MSH3: variants seen among roughly 807,000 people sequenced by gnomAD.
The protein encoded by MSH3 is mutS homolog 3.
Under a neutral mutation model 123.3 loss-of-function variants are expected in MSH3, and 106 were observed. That is an observed-to-expected ratio of 0.86 (90% CI 0.73 to 1.01). The LOEUF (loss-of-function observed/expected upper bound fraction) is 1.01, where lower values mean the gene tolerates loss of function less well. Among genes scored for constraint, MSH3 ranks in the 50% least tolerant of loss-of-function variants. The probability of loss-of-function intolerance (pLI) is 0.00; values close to 1 mark genes in which losing one functional copy is unlikely to be tolerated. For synonymous variants in MSH3, 515 were observed against 481.4 expected (o/e 1.07, Z -0.91); for missense variants, 1,459 against 1,347.6 (o/e 1.08, Z -1.29).
At chr5:80,777,774 A>G (rs1744330699) in intron 16 of MSH3, among the ~76,000 whole-genome samples, 1 of 152,160 alleles carries the variant, frequency 6.6e-6, no homozygotes, top group Non-Finnish European at 1.5e-5. Flanking sequence ...GCAACAGTGT[A>G]TTACAAGAGT....
chr5:80,717,196 C>G (rs1750980872), intron 8 of MSH3, among the ~76,000 whole-genome samples: 1 of 152,136 alleles, frequency 6.6e-6, no homozygotes. Flanking sequence ...TTTTGACATA[C>G]TGAGTTTGTT....
intron 20 of MSH3, among the ~76,000 whole-genome samples, chr5:80,818,756 G>A (rs1745150262): frequency 6.6e-6 from 1 of 152,194 alleles, no homozygotes; most frequent in South Asian, 2.1e-4. Flanking sequence ...AGGATGGATA[G>A]GGAAATTTGG....
chr5:80,798,761 GA>G (rs1744741135), intron 19 of MSH3, among the ~76,000 whole-genome samples: 1 of 152,162 alleles, frequency 6.6e-6, no homozygotes, highest in African/African-American at 2.4e-5. Context: ...ACATTTGTCT[GA>G]TAAAGTGTTC....
chr5:80,698,884 G>A (rs534907014), intron 8 of MSH3, among the ~76,000 whole-genome samples: 12 of 152,164 alleles, frequency 7.9e-5, no homozygotes, highest in Admixed American at 3.3e-4. Context: ...ATACCAACAT[G>A]GCACATGTAT....
chr5:80,775,247 ACTAT>A (rs1744278361), intron 15 of MSH3, among the ~76,000 whole-genome samples: 1 of 152,202 alleles, frequency 6.6e-6, no homozygotes, highest in Non-Finnish European at 1.5e-5. Flanking sequence ...TTGGATAAAA[ACTAT>A]CTAAAAATCC....
At chr5:80,730,894 A>ATTTTTTTTTTTTTTTTTTTTT (rs59224150) in intron 10 of MSH3, among the ~76,000 whole-genome samples, 2 of 127,780 alleles carry the variant, frequency 1.6e-5, no homozygotes, top group African/African-American at 6.1e-5. Context: ...ATATATATAT[A>ATTTTTTTTTTTTTTTTTTTTT]TTTTTTTTTT....
chr5:80,775,807 G>C, intron 16 of MSH3, 49 bp downstream of exon 16: 1 of 951,348 alleles, frequency 1.1e-6, no homozygotes. Context: ...GATGACATCT[G>C]TATATCTATG....
At chr5:80,830,428 T>C (rs1472858329) in intron 20 of MSH3, among the ~76,000 whole-genome samples, 1 of 152,218 alleles carries the variant, frequency 6.6e-6, no homozygotes, top group African/African-American at 2.4e-5. Flanking sequence ...AGATTTTGTT[T>C]TGCATGAGGT....
chr5:80,665,626 G>A lies in MSH3; in HGVS notation c.579+263G>A, dbSNP rs55750137. On this transcript the variant is annotated intron_variant, in intron 3 of 23. Transcript: ENST00000265081. ...TTCTGAGGTATTGCCTGGATCAGGAGCCCTTGACTTGGAGGGATTCTTTAT... is the reference window on the plus strand; with the variant it reads ...TTCTGAGGTATTGCCTGGATCAGGAACCCTTGACTTGGAGGGATTCTTTAT... Among the ~76,000 whole-genome samples, 8 of 152,304 alleles carry A rather than the reference G, an allele frequency of 5.3e-5. No homozygotes were observed. In the East Asian group the frequency reaches 9.6e-4, roughly 18 times the overall value.
At chr5:80,783,794 A>G (rs960591607) in intron 17 of MSH3, among the ~76,000 whole-genome samples, 2 of 152,298 alleles carry the variant, frequency 1.3e-5, no homozygotes, top group Admixed American at 1.3e-4. Context: ...GGGCAGAAAT[A>G]CCAAATATGG....
At chr5:80,830,511 A>G (rs1745398544) in intron 20 of MSH3, among the ~76,000 whole-genome samples, 1 of 152,196 alleles carries the variant, frequency 6.6e-6, no homozygotes, top group Admixed American at 6.5e-5. Context: ...TTATTGATTT[A>G]TCTGATTAAT....
intron 13 of MSH3, among the ~76,000 whole-genome samples, chr5:80,762,735 A>G (rs1744056867): frequency 6.9e-6 from 1 of 145,404 alleles, no homozygotes; most frequent in African/African-American, 2.5e-5. Flanking sequence ...CTAAATTTTT[A>G]TTTTATTTTG....
At chr5:80,714,357 A>G (rs1321671995) in intron 8 of MSH3, among the ~76,000 whole-genome samples, 1 of 151,896 alleles carries the variant, frequency 6.6e-6, no homozygotes, top group Non-Finnish European at 1.5e-5. Flanking sequence ...GTAGGTCTGG[A>G]ACTCCTGACC....
At chr5:80,697,379 G>T (rs1039200819) in intron 8 of MSH3, among the ~76,000 whole-genome samples, 1 of 152,058 alleles carries the variant, frequency 6.6e-6, no homozygotes, top group Admixed American at 6.6e-5. Context: ...CACAAATAAC[G>T]TTTTTTACCT....
At position 80,740,697 on chromosome 5, in the gene MSH3, T is replaced by A. The variant is rs533018858; in HGVS notation, c.1569-767T>A. On this transcript the variant is annotated intron_variant, in intron 10 of 23. Transcript: ENST00000265081. ...TTAATTACAGAGTAAATAACACTTG[T>A]TGCATATGTTAGAATCTTTTTTTTT... Among the ~76,000 whole-genome samples, 298 of 150,908 alleles carry A rather than the reference T, an allele frequency of 2.0e-3. 1 individual carries two copies. The highest frequency in any genetic ancestry group is 7.0e-3 in the African/African-American group (288 of 41,030).
chr5:80,679,834 C>G (rs1284588871), intron 8 of MSH3, among the ~76,000 whole-genome samples: 1 of 152,188 alleles, frequency 6.6e-6, no homozygotes, highest in Non-Finnish European at 1.5e-5. Context: ...GTACTGCCAC[C>G]TGGAGTGTGG....
intron 20 of MSH3, among the ~76,000 whole-genome samples, chr5:80,814,754 A>T (rs1244648979): frequency 1.3e-5 from 2 of 152,230 alleles, no homozygotes; most frequent in Non-Finnish European, 2.9e-5. Context: ...TGCAAAAGGC[A>T]TTGGACCAAG....
chr5:80,757,779 A>G (rs916415146), intron 12 of MSH3, among the ~76,000 whole-genome samples: 4 of 152,172 alleles, frequency 2.6e-5, no homozygotes, highest in Non-Finnish European at 4.4e-5. Flanking sequence ...GCACTAAGAT[A>G]ATAATTCTCT....
chr5:80,822,871 C>T (rs567399484), intron 20 of MSH3, among the ~76,000 whole-genome samples: 1 of 152,274 alleles, frequency 6.6e-6, no homozygotes, highest in South Asian at 2.1e-4. Flanking sequence ...TCTCATGACT[C>T]AGGAACAGCC....
Sources: allele counts gnomAD v4.1 joint callset (sites outside exome capture counted in the v4.1 genomes callset), GRCh38; gene constraint gnomAD v4.1.1; transcripts MANE v1.5; gene names NCBI Gene and HGNC (gene_info 2026-07-23, HGNC 2026-07-21).